Variants in SIGLEC7 observed in about 807,000 individuals in gnomAD.
SIGLEC7 encodes the protein sialic acid-binding Ig-like lectin 7.
In SIGLEC7, 33 loss-of-function variants were observed where a neutral mutation model predicts 40.8. The ratio of observed to expected loss-of-function variants is 0.81; its 90% confidence interval spans 0.61 to 1.08. The LOEUF is 1.08. Among genes scored for constraint, SIGLEC7 ranks in the 50% least tolerant of loss-of-function variants. The probability of loss-of-function intolerance (pLI) is 0.00; values close to 1 mark genes in which losing one functional copy is unlikely to be tolerated. For synonymous variants in SIGLEC7, 242 were observed against 237.6 expected, an observed-to-expected ratio of 1.02 and a Z score of -0.17; for missense variants, 513 against 576.1, an observed-to-expected ratio of 0.89 and a Z score of 1.12.
In SIGLEC7 at chr19:51,145,767, C is replaced by T. The variant is rs2092103242; in HGVS notation, c.761-88C>T. The T allele has an allele frequency of 2.7e-6, 4 of 1,481,734 alleles. No individual in the cohort carries two copies. The East Asian group carries it at 9.1e-5, about 34-fold the overall frequency. 91.8% of individuals were successfully genotyped at this position (1,481,734 alleles called of 1,614,324 possible). The stretch of plus-strand genomic sequence containing the variant: ...TGTCCCTGCACCAGCCTACATCACT[C>T]TCTGTTCCATTCCCCAGTCTCATTC... On this transcript the variant is annotated intron_variant, in intron 3 of 6. Transcript: ENST00000317643. This position sits in a 1 kb window ranked among gnomAD's most constrained non-coding sequence, Gnocchi z 4.3.
chr19:51,153,057 A>G lies in SIGLEC7; in HGVS notation c.1222-6A>G. ...TGCTCTGACTCTCTTCTCTCTCTCC[A>G]TTCAGGGTAACCTGACTGAGTCCTG... On this transcript the variant is annotated splice_region_variant and splice_polypyrimidine_tract_variant and intron_variant, in intron 6 of 6. Transcript: ENST00000317643. 1 of 1,540,554 alleles carries G rather than the reference A, an allele frequency of 6.5e-7. No homozygotes were observed. The highest frequency in any genetic ancestry group is 8.7e-7 in the Non-Finnish European group (1 of 1,143,380).
Position 51,150,039 on chromosome 19 carries a change from C to G in SIGLEC7, c.1221+2722C>G, listed in dbSNP as rs182100563. Among the ~76,000 whole-genome samples, 89 of 152,290 alleles carry G rather than the reference C, an allele frequency of 5.8e-4. 1 individual carries two copies. The highest frequency in any genetic ancestry group is 2.1e-3 in the African/African-American group (86 of 41,552). ...CTGAAGTTATTTATCATTTAAGAAG[C>G]TTTTGGGCTGGGACTACGAGGTTTT... On this transcript the variant is annotated intron_variant, in intron 6 of 6. Transcript: ENST00000317643.
chr19:51,144,631 C>A lies in SIGLEC7; in HGVS notation c.659C>A (p.Thr220Asn). Residue 220 changes from threonine to asparagine, a missense_variant, in exon 2 of 7, where the codon ACC (threonine) becomes AAC (asparagine). Thr to Asn is a moderately conservative substitution (Grantham distance 65). Transcript: ENST00000317643. ...HHGTSLTCQV[T>N]LPGAGVTTNR... ...GGCACCAGCCTCACCTGTCAGGTGACCTTGCCTGGGGCCGGCGTGACCACG... is the reference window on the plus strand; with the variant it reads ...GGCACCAGCCTCACCTGTCAGGTGAACTTGCCTGGGGCCGGCGTGACCACG... The A allele has an allele frequency of 6.2e-7, 1 of 1,614,028 alleles. No homozygotes were observed. Among genetic ancestry groups the A allele is most frequent in the Non-Finnish European group, 8.5e-7 (1 of 1,180,014 alleles).
In SIGLEC7 at chr19:51,153,285, C is replaced by T; in HGVS notation, c.*40C>T. On this transcript the variant is annotated 3_prime_UTR_variant, in exon 7 of 7. Coordinates refer to ENST00000317643, the MANE Select transcript of SIGLEC7 (RefSeq NM_014385.4). ...TCGGGCTTGTTTGAGGGTTCACGAC[C>T]CCTCCAGCAAAGGAGTCTGAGGCTG... The T allele has an allele frequency of 2.1e-6, 3 of 1,450,358 alleles. No individual in the cohort carries two copies. Among genetic ancestry groups the T allele is most frequent in the Admixed American group, 2.3e-5 (1 of 43,620 alleles). 89.8% of individuals were successfully genotyped at this position (1,450,358 alleles called of 1,614,324 possible).
rs919111526 is a variant in SIGLEC7, at chr19:51,145,182, C to T, written c.760+223C>T. On this transcript the variant is annotated intron_variant, in intron 3 of 6. Transcript: ENST00000317643. The surrounding 1 kb of genome is among the most constrained non-coding windows in gnomAD (Gnocchi z 4.3). Reference sequence around the variant, plus strand: ...CACACACCCTCCTCAGCCCTGCAGCCAGGACAGGGGGAAATACATATAGCA... The same window carrying T: ...CACACACCCTCCTCAGCCCTGCAGCTAGGACAGGGGGAAATACATATAGCA... Among the ~76,000 whole-genome samples, 1 of 152,222 alleles carries T rather than the reference C, an allele frequency of 6.6e-6. No individual in the cohort carries two copies. Among genetic ancestry groups the T allele is most frequent in the African/African-American group, 2.4e-5 (1 of 41,446 alleles).
Position 51,153,195 on chromosome 19 carries a change from G to C in SIGLEC7, c.1354G>C (p.Gly452Arg). ...FHKGEPQDLS[G>R]QEATNNEYSE... ...TAAGGGGGAGCCTCAGGACCTATCA[G>C]GACAAGAAGCCACCAACAATGAGTA... is the stretch of plus-strand genomic sequence containing the variant. The change falls in exon 7 of 7, where the codon GGA becomes CGA. Residue 452 changes from glycine to arginine, a missense_variant. By Grantham distance (125) the Gly-to-Arg change is moderately radical (BLOSUM62 -2). Transcript: ENST00000317643. 1.9e-6 allele frequency: 3 copies of C among 1,604,576 alleles called. No individual in the cohort carries two copies. Among genetic ancestry groups the C allele is most frequent in the Non-Finnish European group, 2.6e-6 (3 of 1,175,972 alleles).
intron 2 of SIGLEC7, 28 bp downstream of exon 2, chr19:51,144,712 C>A (rs752751782): frequency 6.2e-7 from 1 of 1,607,194 alleles, no homozygotes; most frequent in South Asian, 1.1e-5. Flanking sequence ...ACGCCCTGGT[C>A]CCTGATGAGG....
chr19:51,153,275 G>A lies in SIGLEC7; in HGVS notation c.*30G>A. Reference sequence around the variant, plus strand: ...ATGCAGAGGCTCGGGCTTGTTTGAGGGTTCACGACCCCTCCAGCAAAGGAG... The same window carrying A: ...ATGCAGAGGCTCGGGCTTGTTTGAGAGTTCACGACCCCTCCAGCAAAGGAG... On this transcript the variant is annotated 3_prime_UTR_variant, in exon 7 of 7. Transcript: ENST00000317643. 2 of 1,492,218 alleles carry A rather than the reference G, an allele frequency of 1.3e-6. No homozygotes were observed. The highest frequency in any genetic ancestry group is 2.8e-5 in the South Asian group (2 of 70,228). 92.4% of individuals were successfully genotyped at this position (1,492,218 alleles called of 1,614,324 possible).
intron 6 of SIGLEC7, among the ~76,000 whole-genome samples, chr19:51,150,239 T>A (rs1470260689): frequency 6.6e-6 from 1 of 152,230 alleles, no homozygotes; most frequent in African/African-American, 2.4e-5. Flanking sequence ...TCAAGGGGAA[T>A]GCTTTCAGCT....
At chr19:51,144,044 C>G (rs1009542041) in intron 1 of SIGLEC7, 1 of 576,082 alleles carries the variant, frequency 1.7e-6, no homozygotes, top group Non-Finnish European at 3.4e-6. Context: ...GCAGGAGACA[C>G]GGGGCCGATT....
At chr19:51,144,321 CA>C in intron 1 of SIGLEC7, 84 bp from the exon 2 acceptor site, 1 of 1,518,386 alleles carries the variant, frequency 6.6e-7, no homozygotes, top group South Asian at 1.3e-5. Context: ...GGGCTCAGGG[CA>C]GAAGCTGAAC....
chr19:51,153,099 C>T lies in SIGLEC7; in HGVS notation c.1258C>T (p.Arg420Ter), dbSNP rs773693948. The T allele has an allele frequency of 1.6e-5, 25 of 1,603,886 alleles. No individual in the cohort carries two copies. The highest frequency in any genetic ancestry group is 2.7e-5 in the African/African-American group (2 of 74,710). Reference sequence around the variant, plus strand: ...TGAGTCCTGGGCAGATGATAACCCCCGACACCATGGCCTGGCTGCCCACTC... The same window carrying T: ...TGAGTCCTGGGCAGATGATAACCCCTGACACCATGGCCTGGCTGCCCACTC... Reference protein sequence around the residue: ...LTESWADDNPRHHGLAAHSSG... With the variant: ...LTESWADDNP Residue 420 changes from arginine (R) to a stop codon, truncating the protein, a stop_gained, in exon 7 of 7, where the codon CGA becomes TGA. Transcript: ENST00000317643. LOFTEE classifies it low-confidence loss of function (END_TRUNC).
chr19:51,147,392 T>C, intron 6 of SIGLEC7, 75 bp downstream of exon 6: 1 of 1,363,358 alleles, frequency 7.3e-7, no homozygotes, highest in Non-Finnish European at 1.0e-6. Context: ...AGGATTTCTC[T>C]GCTTATCATG....
At chr19:51,150,697 G>T (rs936747742) in intron 6 of SIGLEC7, among the ~76,000 whole-genome samples, 1 of 152,198 alleles carries the variant, frequency 6.6e-6, no homozygotes, top group African/African-American at 2.4e-5. Flanking sequence ...AATAGTTTCA[G>T]TAGGAACAGA....
intron 1 of SIGLEC7, among the ~76,000 whole-genome samples, chr19:51,143,470 C>T (rs2092083741): frequency 6.6e-6 from 1 of 152,134 alleles, no homozygotes; most frequent in Admixed American, 6.5e-5. Context: ...CTGGTGCAGG[C>T]CCTGGTGCTC....
rs926287068 is a variant in SIGLEC7 at position 51,145,556 on chromosome 19, C to T, written c.761-299C>T. Reference sequence around the variant, plus strand: ...ATGGCACTAATTTTATCCTACGGCACGAACACTGCAATGAATAATGTTGTA... The same window carrying T: ...ATGGCACTAATTTTATCCTACGGCATGAACACTGCAATGAATAATGTTGTA... On this transcript the variant is annotated intron_variant, in intron 3 of 6. Transcript: ENST00000317643. The surrounding 1 kb of genome is among the most constrained non-coding windows in gnomAD (Gnocchi z 4.3). Among the ~76,000 whole-genome samples, 19 of 152,222 alleles carry T rather than the reference C, an allele frequency of 1.2e-4. 3 individuals carry two copies. The highest frequency in any genetic ancestry group is 6.5e-5 in the Admixed American group (1 of 15,296).
At chr19:51,150,529 T>C (rs1338825747) in intron 6 of SIGLEC7, among the ~76,000 whole-genome samples, 6 of 152,224 alleles carry the variant, frequency 3.9e-5, no homozygotes, top group Non-Finnish European at 7.4e-5. Context: ...TGGATTCAGT[T>C]TGCAAGTATT....
In SIGLEC7 at chr19:51,150,747, C is replaced by A. The variant is rs77158926; in HGVS notation, c.1222-2316C>A. Among the ~76,000 whole-genome samples, 1,507 of 152,182 alleles carry A rather than the reference C, an allele frequency of 9.9e-3. 13 individuals are homozygous for A. The highest frequency in any genetic ancestry group is 0.017 in the Non-Finnish European group (1,137 of 68,016). On this transcript the variant is annotated intron_variant, in intron 6 of 6. Transcript: ENST00000317643. The stretch of plus-strand genomic sequence containing the variant: ...TGACATTTATTGTGTGATTGAAGAG[C>A]CTTCCAGGCAGAGGGAGGAGCAAAG...
At position 51,142,591 on chromosome 19, in the gene SIGLEC7, G is replaced by C. The variant is rs1245887788; in HGVS notation, c.222G>C (p.Trp74Cys). ...TCCGGGCAGGGAATGATATAAGCTG[G>C]AAGGCTCCAGTGGCCACAAACAACC... is the stretch of plus-strand genomic sequence containing the variant. ...YWFRAGNDIS[W>C]KAPVATNNPA... is the part of the protein sequence containing the mutation. The change falls in exon 1 of 7, where the codon TGG becomes TGC. Residue 74 changes from tryptophan to cysteine, a missense_variant. Coordinates refer to ENST00000317643, the MANE Select transcript of SIGLEC7 (RefSeq NM_014385.4). This position sits in a 1 kb window ranked among gnomAD's most constrained non-coding sequence, Gnocchi z 5.0. 5 of 1,614,050 alleles carry C rather than the reference G, an allele frequency of 3.1e-6. No homozygotes were observed. Among genetic ancestry groups the C allele is most frequent in the Non-Finnish European group, 4.2e-6 (5 of 1,180,052 alleles).
Sources: allele counts gnomAD v4.1 joint callset (sites outside exome capture counted in the v4.1 genomes callset), GRCh38; gene constraint gnomAD v4.1.1; non-coding constraint Gnocchi (gnomAD v3.1); transcripts MANE v1.5; gene names NCBI Gene and HGNC (gene_info 2026-07-23, HGNC 2026-07-21).